Variants in VPS13B observed in about 807,000 individuals in gnomAD.
VPS13B encodes intermembrane lipid transfer protein VPS13B.
VPS13B carries 285 observed loss-of-function variants against 426.4 expected under a neutral mutation model. The ratio of observed to expected loss-of-function variants is 0.67; its 90% CI spans 0.61 to 0.74. VPS13B has a LOEUF of 0.74. Ranked by LOEUF, VPS13B falls within the 30% of genes least tolerant of loss-of-function variation. The probability of loss-of-function intolerance (pLI) is 0.00; values close to 1 mark genes in which losing one functional copy is unlikely to be tolerated. For synonymous variants in VPS13B, 1,676 were observed against 1,676.4 expected, an observed-to-expected ratio of 1.00 and a Z score of 0.01; for missense variants, 4,537 against 4,782.6, an observed-to-expected ratio of 0.95 and a Z score of 1.51.
At chr8:99,394,458 A>G (rs2133319735) in intron 21 of VPS13B, among the ~76,000 whole-genome samples, 1 of 152,308 alleles carries the variant, frequency 6.6e-6, no homozygotes, top group South Asian at 2.1e-4. Context: ...GAATGTGTTA[A>G]CAGCAGAATG....
chr8:99,583,810 G>C (rs886170308), intron 33 of VPS13B, among the ~76,000 whole-genome samples: 1 of 152,092 alleles, frequency 6.6e-6, no homozygotes, highest in African/African-American at 2.4e-5. Context: ...GTAAAGGGGG[G>C]TTTGAGAGAG....
At chr8:99,824,884 A>C (rs13266358) in intron 51 of VPS13B, among the ~76,000 whole-genome samples, 53,717 of 151,930 alleles carry the variant, frequency 0.35, 9,724 homozygotes, top group East Asian at 0.47. Flanking sequence ...AGCTTCATCC[A>C]TGTCCCTGAA....
chr8:99,096,054 T>C (rs1846399234), intron 3 of VPS13B, among the ~76,000 whole-genome samples: 1 of 152,184 alleles, frequency 6.6e-6, no homozygotes. Flanking sequence ...TCTTTGGAGA[T>C]TGTCAAGTAG....
At chr8:99,069,160 T>C (rs899512236) in intron 3 of VPS13B, among the ~76,000 whole-genome samples, 4 of 152,160 alleles carry the variant, frequency 2.6e-5, no homozygotes, top group African/African-American at 9.7e-5. Context: ...AGGCTGGGTA[T>C]GGTGGCTCAC....
chr8:99,142,698 T>A (rs920766176), intron 12 of VPS13B, among the ~76,000 whole-genome samples: 1 of 152,186 alleles, frequency 6.6e-6, no homozygotes, highest in African/African-American at 2.4e-5. Flanking sequence ...GCCAATTAGG[T>A]TTTGCAGAAT....
At chr8:99,718,403 T>C (rs1833005139) in intron 37 of VPS13B, among the ~76,000 whole-genome samples, 2 of 152,228 alleles carry the variant, frequency 1.3e-5, no homozygotes, top group Non-Finnish European at 2.9e-5. Flanking sequence ...CATGTGATGA[T>C]ATCTGATTAC....
chr8:99,596,573 C>G (rs1302915792), intron 33 of VPS13B, among the ~76,000 whole-genome samples: 3 of 151,782 alleles, frequency 2.0e-5, no homozygotes, highest in African/African-American at 7.3e-5. Flanking sequence ...GATGGCTTAC[C>G]ATGTCTGTGT....
chr8:99,118,538 C>G (rs1847785603), intron 7 of VPS13B, among the ~76,000 whole-genome samples: 1 of 152,072 alleles, frequency 6.6e-6, no homozygotes, highest in Non-Finnish European at 1.5e-5. Flanking sequence ...TCTAGTCATT[C>G]CCCTTTCACC....
At position 99,861,946 on chromosome 8, in the gene VPS13B, G is replaced by T. The variant is rs1452736278; in HGVS notation, c.11215G>T (p.Gly3739Cys). 1 of 1,588,504 alleles carries T rather than the reference G, an allele frequency of 6.3e-7. No individual in the cohort carries two copies. Among genetic ancestry groups the T allele is most frequent in the Non-Finnish European group, 8.6e-7 (1 of 1,169,428 alleles). Residue 3739 changes from glycine (G) to cysteine (C), a missense_variant and splice_region_variant, in exon 58 of 62, where the codon GGT becomes TGT. Coordinates refer to ENST00000357162, the MANE Select transcript of VPS13B (RefSeq NM_152564.5). ...GTCCCGGCTGGGCATCAGCCTGCTT[G>T]GTAAGGGGCTGCGGGGCCTCCCACC... ...GLSRLGISLLGAIAGIVDQPM... is the reference protein window; with the variant it reads ...GLSRLGISLLCAIAGIVDQPM...
intron 3 of VPS13B, among the ~76,000 whole-genome samples, chr8:99,093,230 C>G (rs1359568182): frequency 6.6e-6 from 1 of 151,824 alleles, no homozygotes; most frequent in Non-Finnish European, 1.5e-5. Flanking sequence ...AAAAGAACAG[C>G]CTCATTAAGA....
chr8:99,216,175 T>G (rs986542353), intron 17 of VPS13B, among the ~76,000 whole-genome samples: 1 of 152,204 alleles, frequency 6.6e-6, no homozygotes, highest in African/African-American at 2.4e-5. Flanking sequence ...GGGCACATCA[T>G]GTGCTACAAT....
chr8:99,542,762 A>G lies in VPS13B; in HGVS notation c.4746-13688A>G, dbSNP rs549088251. ...GAGCACAGCCTTTCCAAGTGACCTC[A>G]GCCAACATACAGCACTTAACTCCCT... On this transcript the variant is annotated intron_variant, in intron 30 of 61. Coordinates refer to ENST00000357162, the MANE Select transcript of VPS13B (RefSeq NM_152564.5). Among the ~76,000 whole-genome samples, 140 of 152,306 alleles carry G rather than the reference A, an allele frequency of 9.2e-4. 1 individual carries two copies. Among genetic ancestry groups the G allele is most frequent in the African/African-American group, 3.3e-3 (137 of 41,564 alleles).
intron 23 of VPS13B, among the ~76,000 whole-genome samples, chr8:99,460,659 G>A (rs1049380950): frequency 3.3e-5 from 5 of 152,170 alleles, no homozygotes; most frequent in African/African-American, 7.2e-5. Flanking sequence ...GCCTGTTTAC[G>A]AGAGAACATC....
intron 19 of VPS13B, among the ~76,000 whole-genome samples, chr8:99,312,120 C>T (rs921539562): frequency 6.6e-6 from 1 of 151,860 alleles, no homozygotes; most frequent in Middle Eastern, 3.4e-3. Context: ...ACTTGACTGT[C>T]CAATTTGCCA....
intron 29 of VPS13B, among the ~76,000 whole-genome samples, chr8:99,513,336 G>A (rs1189849313): frequency 6.6e-6 from 1 of 151,748 alleles, no homozygotes; most frequent in Admixed American, 6.6e-5. Context: ...TCAGTTTAAT[G>A]CAAACAATTA....
At chr8:99,541,257 A>G (rs1374669727) in intron 30 of VPS13B, among the ~76,000 whole-genome samples, 1 of 152,210 alleles carries the variant, frequency 6.6e-6, no homozygotes, top group Non-Finnish European at 1.5e-5. Flanking sequence ...TTTTCTGACT[A>G]AAGTCAACCC....
chr8:99,329,467 A>G (rs544286345), intron 19 of VPS13B, among the ~76,000 whole-genome samples: 1 of 152,236 alleles, frequency 6.6e-6, no homozygotes, highest in South Asian at 2.1e-4. Flanking sequence ...TCATAATTTT[A>G]TGTCTACATT....
chr8:99,808,912 ACTG>A (rs766283220), intron 43 of VPS13B, among the ~76,000 whole-genome samples: 23 of 152,078 alleles, frequency 1.5e-4, no homozygotes, highest in African/African-American at 7.2e-5. Context: ...GCATCTTCAA[ACTG>A]CTATTTTGTT....
intron 19 of VPS13B, among the ~76,000 whole-genome samples, chr8:99,365,973 T>TG (rs1459337688): frequency 1.6e-4 from 24 of 149,710 alleles, no homozygotes; most frequent in Middle Eastern, 3.4e-3. Flanking sequence ...TTTTTGTTGT[T>TG]TTTTTTTTTT....
Sources: gnomAD v4.1 joint callset for allele counts (sites outside exome capture counted in the v4.1 genomes callset) on GRCh38, gnomAD v4.1.1 for gene constraint, MANE v1.5 for transcripts, NCBI Gene and HGNC (gene_info 2026-07-23, HGNC 2026-07-21) for gene names.